MGAM2: variants seen among roughly 807,000 people sequenced by gnomAD.
The protein encoded by MGAM2 is probable maltase-glucoamylase 2.
MGAM2 carries 98 observed loss-of-function variants against 96.1 expected under a neutral mutation model. The ratio of observed to expected loss-of-function variants is 1.02; its 90% CI spans 0.87 to 1.21. The LOEUF is 1.21. Among genes scored for constraint, MGAM2 ranks in the 50% most tolerant of loss-of-function variants. The pLI is 0.00. For synonymous variants in MGAM2, 749 were observed against 414.8 expected (o/e 1.81, Z -9.79); for missense variants, 2,055 against 1,182.4 (o/e 1.74, Z -10.82).
intron 2 of MGAM2, among the ~76,000 whole-genome samples, chr7:142,118,076 T>C (rs1225475933): frequency 6.6e-6 from 1 of 152,178 alleles, no homozygotes; most frequent in Non-Finnish European, 1.5e-5. Flanking sequence ...TACAGTATTG[T>C]TATCTATTGA....
intron 46 of MGAM2, 113 bp downstream of exon 46, chr7:142,208,735 C>A: frequency 1.6e-6 from 1 of 608,324 alleles, no homozygotes. Flanking sequence ...GTTCTTCTTG[C>A]CTTTACTTTT....
chr7:142,181,800 G>A (rs562017099), intron 32 of MGAM2, among the ~76,000 whole-genome samples: 11 of 152,266 alleles, frequency 7.2e-5, no homozygotes, highest in African/African-American at 2.2e-4. Context: ...CAGTGTTGCC[G>A]TAGGGGTGCA....
At chr7:142,215,342 C>T (rs971251307) in intron 46 of MGAM2, among the ~76,000 whole-genome samples, 1 of 151,990 alleles carries the variant, frequency 6.6e-6, no homozygotes, top group Non-Finnish European at 1.5e-5. Flanking sequence ...GGAGAAATCC[C>T]TAATGTAGAT....
At chr7:142,115,189 G>A (rs1484569432) in intron 1 of MGAM2, among the ~76,000 whole-genome samples, 1 of 152,026 alleles carries the variant, frequency 6.6e-6, no homozygotes, top group Non-Finnish European at 1.5e-5. Flanking sequence ...TGCACTCCAG[G>A]GTGACACTCC....
intron 36 of MGAM2, among the ~76,000 whole-genome samples, chr7:142,188,955 A>T (rs1184875433): frequency 3.3e-5 from 5 of 152,240 alleles, no homozygotes; most frequent in Admixed American, 6.5e-5. Flanking sequence ...GATCATCTGT[A>T]CTTATGTATC....
chr7:142,139,830 G>GTT, intron 10 of MGAM2, among the ~76,000 whole-genome samples: 1 of 151,900 alleles, frequency 6.6e-6, no homozygotes, highest in South Asian at 2.1e-4. Flanking sequence ...TGGTCAATGT[G>GTT]TTTTGGTGTC....
intron 22 of MGAM2, among the ~76,000 whole-genome samples, 182 bp downstream of exon 22, chr7:142,161,395 G>T (rs1231413514): frequency 6.6e-6 from 1 of 152,132 alleles, no homozygotes; most frequent in Non-Finnish European, 1.5e-5. Context: ...CATTAAAATA[G>T]ACTTCAAATG....
At chr7:142,137,152 G>T (rs908083102) in intron 8 of MGAM2, among the ~76,000 whole-genome samples, 1 of 151,058 alleles carries the variant, frequency 6.6e-6, no homozygotes, top group Non-Finnish European at 1.5e-5. Context: ...GAAGCTACTC[G>T]CAAAACCCAG....
chr7:142,182,544 C>T lies in MGAM2; in HGVS notation c.3817-722C>T, dbSNP rs116448439. Among the ~76,000 whole-genome samples, 397 of 152,296 alleles carry T rather than the reference C, an allele frequency of 2.6e-3. 1 individual carries two copies. Among genetic ancestry groups the T allele is most frequent in the African/African-American group, 9.0e-3 (376 of 41,556 alleles). ...GCTGCAGATGCCCTGTATGCAGAAC[C>T]TTCTCGTCTCCGCACAGGCTTGAGC... On this transcript the variant is annotated intron_variant, in intron 32 of 47. Transcript: ENST00000477922.
At position 142,196,500 on chromosome 7, in the gene MGAM2, G is replaced by A. The variant is rs1018242638; in HGVS notation, c.4481-65G>A. Reference sequence around the variant, plus strand: ...TTCTAATGGGGTAAGGAAAAATCAGGCCAAGCCTTCACTCTCCTCCCAAAG... The same window carrying A: ...TTCTAATGGGGTAAGGAAAAATCAGACCAAGCCTTCACTCTCCTCCCAAAG... On this transcript the variant is annotated intron_variant, in intron 38 of 47. Transcript: ENST00000477922. The A allele has an allele frequency of 2.8e-5, 20 of 703,944 alleles. No individual in the cohort carries two copies. In the Middle Eastern group the frequency reaches 1.6e-3, roughly 56 times the overall value. 43.6% of individuals were successfully genotyped at this position (703,944 alleles called of 1,614,324 possible).
chr7:142,162,075 A>G (rs1033951280), intron 23 of MGAM2, 71 bp downstream of exon 23: 1 of 622,854 alleles, frequency 1.6e-6, no homozygotes, highest in African/African-American at 1.9e-5. Flanking sequence ...TTTTAGTTTA[A>G]TATAGACACA....
intron 32 of MGAM2, among the ~76,000 whole-genome samples, chr7:142,177,813 T>C (rs1014973787): frequency 6.6e-6 from 1 of 152,212 alleles, no homozygotes. Context: ...CTATTGCAGA[T>C]AGTGCTGTGA....
chr7:142,221,275 T>G lies in MGAM2; in HGVS notation c.6764T>G (p.Ile2255Ser). The change falls in exon 48 of 48, where the codon ATT (isoleucine) becomes AGT (serine). Residue 2255 changes from isoleucine (I) to serine (S), a missense_variant. By Grantham distance (142) the Ile-to-Ser change is moderately radical. Coordinates refer to ENST00000477922, the MANE Select transcript of MGAM2 (RefSeq NM_001293626.2). ...MSAGNITSNS[I>S]SITTTSFGNS... Reference sequence around the variant, plus strand: ...GCTGGTAATATAACTAGTAATAGTATTTCCATAACAACTACTTCTTTTGGT... The same window carrying G: ...GCTGGTAATATAACTAGTAATAGTAGTTCCATAACAACTACTTCTTTTGGT... 1.5e-6 allele frequency: 1 copy of G among 685,940 alleles called. No individual in the cohort carries two copies. Among genetic ancestry groups the G allele is most frequent in the Non-Finnish European group, 2.7e-6 (1 of 375,842 alleles). The allele number at this position is 685,940 out of a possible 1,614,324, so 42.5% of individuals were successfully genotyped here. A position where few individuals can be genotyped will look rare whatever the true frequency, so the allele number is the denominator to read the frequency against.
chr7:142,156,161 A>G (rs1482617429), intron 17 of MGAM2, among the ~76,000 whole-genome samples: 3 of 152,124 alleles, frequency 2.0e-5, no homozygotes, highest in Non-Finnish European at 4.4e-5. Flanking sequence ...AAAACAAAAA[A>G]AAAAACAAAG....
chr7:142,150,737 A>G (rs1046268684), intron 15 of MGAM2, among the ~76,000 whole-genome samples: 1 of 152,176 alleles, frequency 6.6e-6, no homozygotes, highest in African/African-American at 2.4e-5. Context: ...TTCTCTCCCC[A>G]GTGTAAAATT....
rs1289161896 is a variant in MGAM2 at position 142,154,155 on chromosome 7, C to A, written c.1772C>A (p.Thr591Asn). ...TWDDLRWSIP[T>N]ILEFNLFGIP... ...GATGACCTCCGATGGTCTATCCCCA[C>A]TATCCTTGAGTTCAACCTGTTTGGC... Residue 591 changes from threonine (T) to asparagine (N), a missense_variant, in exon 16 of 48, where the codon ACT becomes AAT. Thr to Asn is a moderately conservative substitution (Grantham distance 65). Transcript: ENST00000477922. The A allele has an allele frequency of 1.5e-5, 10 of 656,154 alleles. No homozygotes were observed. Among genetic ancestry groups the A allele is most frequent in the Non-Finnish European group, 2.3e-5 (8 of 351,734 alleles). The allele number at this position is 656,154 out of a possible 1,614,324, so 40.6% of individuals were successfully genotyped here.
intron 4 of MGAM2, 82 bp from the exon 5 acceptor site, chr7:142,131,436 C>CAAAACAAAAACA (rs367703011): frequency 4.5e-6 from 3 of 660,970 alleles, no homozygotes; most frequent in African/African-American, 1.8e-5. Context: ...GACTCCATCT[C>CAAAACAAAAACA]AAAACAAAAA....
At position 142,221,213 on chromosome 7, in the gene MGAM2, T is replaced by C. The variant is rs1797917349; in HGVS notation, c.6702T>C (p.Asp2234=). ...TSTDVASTNN[D]ASMTNFLLAT... ...CTGATGTTGCTAGCACAAATAATGA[T>C]GCTTCTATGACAAATTTTCTTTTAG... The change falls in exon 48 of 48, where the codon GAT becomes GAC. Residue 2234 remains aspartate, a synonymous_variant. Transcript: ENST00000477922. The C allele has an allele frequency of 1.4e-6, 1 of 702,112 alleles. No individual in the cohort carries two copies. The highest frequency in any genetic ancestry group is 2.6e-6 in the Non-Finnish European group (1 of 384,562). 43.5% of individuals were successfully genotyped at this position (702,112 alleles called of 1,614,324 possible). A position where few individuals can be genotyped will look rare whatever the true frequency, so the allele number is the denominator to read the frequency against.
At chr7:142,190,483 A>G (rs975821923) in intron 37 of MGAM2, among the ~76,000 whole-genome samples, 3 of 152,018 alleles carry the variant, frequency 2.0e-5, no homozygotes, top group African/African-American at 4.8e-5. Context: ...CATGTTGGCC[A>G]GGCTGGTCTC....
Sources: gnomAD v4.1 joint callset for allele counts (sites outside exome capture counted in the v4.1 genomes callset) on GRCh38, gnomAD v4.1.1 for gene constraint, MANE v1.5 for transcripts, NCBI Gene and HGNC (gene_info 2026-07-23, HGNC 2026-07-21) for gene names.